WARS2: variants seen among roughly 807,000 people sequenced by gnomAD.
WARS2 encodes the protein tryptophan--tRNA ligase, mitochondrial.
Under a neutral mutation model 36.5 loss-of-function variants are expected in WARS2, and 28 were observed. That is an observed-to-expected ratio of 0.77 (90% confidence interval 0.57 to 1.05). WARS2 has a LOEUF of 1.05. Among genes scored for constraint, WARS2 ranks in the 50% least tolerant of loss-of-function variants. The pLI is 0.00. For synonymous variants in WARS2, 174 were observed against 178.4 expected (o/e 0.98, Z 0.20); for missense variants, 435 against 456.8 (o/e 0.95, Z 0.44).
At chr1:119,119,601 G>A (rs983292689) in intron 1 of WARS2, among the ~76,000 whole-genome samples, 4 of 152,006 alleles carry the variant, frequency 2.6e-5, no homozygotes, top group African/African-American at 9.7e-5. Flanking sequence ...AACAACTGCA[G>A]AATATACATT....
intron 1 of WARS2, among the ~76,000 whole-genome samples, chr1:119,095,439 T>C (rs932793439): frequency 6.6e-6 from 1 of 152,184 alleles, no homozygotes. Context: ...CTTCTTTTTT[T>C]TTGAGATGGA....
intron 1 of WARS2, chr1:119,140,226 A>G (rs1409043007): frequency 1.6e-5 from 4 of 246,924 alleles, no homozygotes; most frequent in Non-Finnish European, 3.1e-5. Flanking sequence ...CAGTCTCTAA[A>G]ACAACCCGTC....
intron 1 of WARS2, among the ~76,000 whole-genome samples, chr1:119,107,633 G>A (rs893653214): frequency 2.6e-5 from 4 of 151,394 alleles, no homozygotes; most frequent in African/African-American, 9.7e-5. Flanking sequence ...TCTCTCTCTA[G>A]ATGAATGCAC....
In WARS2 at chr1:119,136,981, ATAAC is replaced by A. The variant is rs144518588; in HGVS notation, c.90+3570_90+3573del. 7.5e-3 allele frequency among the ~76,000 whole-genome samples: 1,145 copies of A among 152,320 alleles called. 23 individuals carry two copies. Among genetic ancestry groups the A allele is most frequent in the East Asian group, 0.051 (263 of 5,188 alleles). On this transcript the variant is annotated intron_variant, in intron 1 of 5. Coordinates refer to ENST00000235521, the MANE Select transcript of WARS2 (RefSeq NM_015836.4). ...CCTAAACTGAGAGACATTCTACAAA[ATAAC>A]TGACTGGTTCTCTTCAAAAGTGCCA... is the stretch of plus-strand genomic sequence containing the variant.
chr1:119,128,640 G>A (rs1374700937), intron 1 of WARS2, among the ~76,000 whole-genome samples: 1 of 130,706 alleles, frequency 7.7e-6, no homozygotes, highest in Non-Finnish European at 1.5e-5. Context: ...TGATCTCCCT[G>A]CAGAAAATGC....
intron 1 of WARS2, among the ~76,000 whole-genome samples, chr1:119,100,104 C>G (rs1032417280): frequency 6.6e-6 from 1 of 151,650 alleles, no homozygotes; most frequent in Non-Finnish European, 1.5e-5. Context: ...AACAGCAAAA[C>G]AAACAAATGA....
chr1:119,073,404 T>G (rs1050592595), intron 2 of WARS2, among the ~76,000 whole-genome samples: 2 of 152,174 alleles, frequency 1.3e-5, no homozygotes, highest in Non-Finnish European at 2.9e-5. Flanking sequence ...AGACCAAGTT[T>G]ATCTTAGGTT....
chr1:119,108,331 G>A (rs189529935), intron 1 of WARS2, among the ~76,000 whole-genome samples: 26 of 152,046 alleles, frequency 1.7e-4, no homozygotes, highest in African/African-American at 5.5e-4. Flanking sequence ...TTATATTTTG[G>A]AAGGTTTTAA....
At chr1:119,083,886 A>G (rs992936928) in intron 1 of WARS2, among the ~76,000 whole-genome samples, 1 of 152,252 alleles carries the variant, frequency 6.6e-6, no homozygotes, top group Non-Finnish European at 1.5e-5. Context: ...TATTCTTGCC[A>G]TAACATACTA....
intron 4 of WARS2, among the ~76,000 whole-genome samples, chr1:119,036,140 T>G (rs1571252165): frequency 6.6e-6 from 1 of 151,846 alleles, no homozygotes; most frequent in African/African-American, 2.4e-5. Context: ...GAGGCGGAGG[T>G]GGAGGCTGCG....
At chr1:119,099,155 C>T (rs1276585395) in intron 1 of WARS2, among the ~76,000 whole-genome samples, 5 of 152,064 alleles carry the variant, frequency 3.3e-5, no homozygotes, top group Admixed American at 6.5e-5. Flanking sequence ...ATACATTGAA[C>T]TTATAATACA....
Position 119,033,212 on chromosome 1 carries a change from T to C in WARS2, c.782A>G (p.Glu261Gly), listed in dbSNP as rs1416388873. ...GCGGCCAGCCGGGTCATAGGTGACC[T>C]CCGAGGTGAAGTCTGTCACAGCCTT... ...FRKAVTDFTS[E>G]VTYDPAGRAG... Residue 261 changes from glutamate to glycine, a missense_variant, in exon 6 of 6, where the codon GAG (glutamate) becomes GGG (glycine). Physicochemically the swap from Glu to Gly is moderately conservative, Grantham distance 98. Transcript: ENST00000235521. 2 of 1,614,246 alleles carry C rather than the reference T, an allele frequency of 1.2e-6. No individual in the cohort carries two copies. Among genetic ancestry groups the C allele is most frequent in the Non-Finnish European group, 1.7e-6 (2 of 1,180,042 alleles).
chr1:119,085,551 C>T lies in WARS2; in HGVS notation c.91-8944G>A, dbSNP rs587601388. On this transcript the variant is annotated intron_variant, in intron 1 of 5. Coordinates refer to ENST00000235521, the MANE Select transcript of WARS2 (RefSeq NM_015836.4). The stretch of plus-strand genomic sequence containing the variant: ...TGGTGAGGGGGTACGAGCCCCACAG[C>T]CCTTCTCCTGGAGCTCTTTGGTCAC... 141 of 1,611,564 alleles carry T rather than the reference C, an allele frequency of 8.7e-5. 2 individuals carry two copies. The South Asian group carries it at 1.5e-3, about 17-fold the overall frequency.
intron 1 of WARS2, 153 bp downstream of exon 1, chr1:119,140,402 A>T (rs768557612): frequency 3.5e-5 from 21 of 594,662 alleles, no homozygotes; most frequent in Middle Eastern, 3.6e-4. Flanking sequence ...CTACGCTCTG[A>T]GCAGGCCGAC....
chr1:119,065,044 T>C (rs1249617293), intron 2 of WARS2, among the ~76,000 whole-genome samples: 1 of 152,138 alleles, frequency 6.6e-6, no homozygotes, highest in Non-Finnish European at 1.5e-5. Flanking sequence ...GATTAATATG[T>C]AATGACATTA....
chr1:119,063,842 C>CGAG (rs1247994571), intron 2 of WARS2: 1 of 152,142 alleles, frequency 6.6e-6, no homozygotes, highest in Non-Finnish European at 1.5e-5. Flanking sequence ...GCTGCAGGAG[C>CGAG]GAGGCCCTTA....
chr1:119,090,459 C>T (rs1282421572), intron 1 of WARS2, among the ~76,000 whole-genome samples: 1 of 152,134 alleles, frequency 6.6e-6, no homozygotes, highest in Admixed American at 6.5e-5. Flanking sequence ...AGGAAGACAG[C>T]CTACATACCT....
At chr1:119,066,714 T>C (rs1650904329) in intron 2 of WARS2, among the ~76,000 whole-genome samples, 1 of 152,134 alleles carries the variant, frequency 6.6e-6, no homozygotes, top group Non-Finnish European at 1.5e-5. Context: ...AGATGGCACA[T>C]TTCATGCATT....
At chr1:119,071,327 C>T (rs1211801562) in intron 2 of WARS2, among the ~76,000 whole-genome samples, 1 of 152,132 alleles carries the variant, frequency 6.6e-6, no homozygotes, top group African/African-American at 2.4e-5. Flanking sequence ...TGTAAGCCAG[C>T]AATCCCTCTA....
Sources: gnomAD v4.1 joint callset for allele counts (sites outside exome capture counted in the v4.1 genomes callset) on GRCh38, gnomAD v4.1.1 for gene constraint, MANE v1.5 for transcripts, NCBI Gene and HGNC (gene_info 2026-07-23, HGNC 2026-07-21) for gene names.